GALNT13: variants seen among roughly 807,000 people sequenced by gnomAD.
GALNT13 encodes UDP-GalNAc:polypeptide N-acetylgalactosaminyltransferase 13.
Under a neutral mutation model 64.2 loss-of-function variants are expected in GALNT13, and 28 were observed. That is an observed-to-expected ratio of 0.44 (90% CI 0.32 to 0.60). The LOEUF (loss-of-function observed/expected upper bound fraction) is 0.60, where lower values mean the gene tolerates loss of function less well. Among genes scored for constraint, GALNT13 ranks in the 20% least tolerant of loss-of-function variants. The probability of loss-of-function intolerance (pLI) is 0.05; values close to 1 mark genes in which losing one functional copy is unlikely to be tolerated. For missense variants in GALNT13, 577 were observed against 669.8 expected, an observed-to-expected ratio of 0.86 and a Z score of 1.53; for synonymous variants, 214 against 224.6, an observed-to-expected ratio of 0.95 and a Z score of 0.42.
At chr2:153,845,879 A>C in the GALNT13 span, among the ~76,000 whole-genome samples, 1 of 152,190 alleles carries the variant, frequency 6.6e-6, no homozygotes, top group African/African-American at 2.4e-5. Flanking sequence ...TTATTTTCAA[A>C]AAAAGAATAA....
the GALNT13 span, among the ~76,000 whole-genome samples, chr2:153,424,030 G>T: frequency 1.3e-5 from 2 of 150,402 alleles, no homozygotes; most frequent in Admixed American, 6.6e-5. Context: ...AAATTTAACT[G>T]AAAAAAAGTA....
chr2:153,090,730 A>G, the GALNT13 span, among the ~76,000 whole-genome samples: 1 of 152,072 alleles, frequency 6.6e-6, no homozygotes, highest in Admixed American at 6.5e-5. Flanking sequence ...GTAGAGAAAT[A>G]CCATCAAGTG....
At chr2:153,086,568 C>G in the GALNT13 span, among the ~76,000 whole-genome samples, 1 of 152,138 alleles carries the variant, frequency 6.6e-6, no homozygotes, top group Non-Finnish European at 1.5e-5. Flanking sequence ...TCATTTGCCT[C>G]AGCCATGATT....
the GALNT13 span, among the ~76,000 whole-genome samples, chr2:153,819,827 A>G: frequency 6.6e-6 from 1 of 152,214 alleles, no homozygotes; most frequent in African/African-American, 2.4e-5. Flanking sequence ...AGAAACCAGT[A>G]TAAGAATTAT....
the GALNT13 span, among the ~76,000 whole-genome samples, chr2:153,269,396 C>T: frequency 6.6e-6 from 1 of 152,136 alleles, no homozygotes; most frequent in Non-Finnish European, 1.5e-5. Context: ...CATGAGTGAC[C>T]TTTACTCCAG....
the GALNT13 span, among the ~76,000 whole-genome samples, chr2:153,126,339 T>C: frequency 4.1e-5 from 3 of 73,550 alleles, no homozygotes; most frequent in African/African-American, 8.9e-5. Context: ...TATATATATA[T>C]ATATATATGA....
intron 2 of GALNT13, among the ~76,000 whole-genome samples, chr2:153,924,760 G>A (rs1201451955): frequency 6.6e-6 from 1 of 152,022 alleles, no homozygotes; most frequent in Admixed American, 6.6e-5. Flanking sequence ...ATTCTTATTG[G>A]TGTGAGATGA....
intron 12 of GALNT13, among the ~76,000 whole-genome samples, chr2:154,443,646 A>G (rs575136456): frequency 3.9e-5 from 6 of 152,142 alleles, no homozygotes; most frequent in African/African-American, 1.4e-4. Flanking sequence ...GTATGGCCTA[A>G]TTTTACAATA....
chr2:153,395,895 T>C, the GALNT13 span, among the ~76,000 whole-genome samples: 2 of 152,146 alleles, frequency 1.3e-5, no homozygotes, highest in African/African-American at 2.4e-5. Context: ...CACAAACTAT[T>C]GCAATTGACC....
intron 9 of GALNT13, among the ~76,000 whole-genome samples, chr2:154,337,398 A>AT (rs1184618244): frequency 1.5e-4 from 23 of 152,214 alleles, no homozygotes; most frequent in Admixed American, 3.3e-4. Context: ...CAAATATTTT[A>AT]TTTTTTAAAA....
At chr2:153,317,001 C>T in the GALNT13 span, among the ~76,000 whole-genome samples, 3 of 152,116 alleles carry the variant, frequency 2.0e-5, no homozygotes. Flanking sequence ...AAAGAGAAAT[C>T]CTTCTTGGAA....
At chr2:153,399,289 GT>G in the GALNT13 span, among the ~76,000 whole-genome samples, 6 of 152,124 alleles carry the variant, frequency 3.9e-5, no homozygotes, top group South Asian at 1.2e-3. Context: ...CTATATCTCT[GT>G]TTTGGTGGCA....
At chr2:154,339,099 T>C (rs546279578) in intron 9 of GALNT13, among the ~76,000 whole-genome samples, 67 of 152,262 alleles carry the variant, frequency 4.4e-4, no homozygotes, top group Non-Finnish European at 6.9e-4. Flanking sequence ...TACTACATAT[T>C]AGGCATTCAA....
At chr2:153,698,001 C>G in the GALNT13 span, among the ~76,000 whole-genome samples, 7 of 152,254 alleles carry the variant, frequency 4.6e-5, no homozygotes, top group East Asian at 1.2e-3. Flanking sequence ...AACTAAACTT[C>G]ATAAGTGAAG....
chr2:154,334,827 G>A (rs889879440), intron 9 of GALNT13, among the ~76,000 whole-genome samples: 4 of 151,942 alleles, frequency 2.6e-5, no homozygotes, highest in Non-Finnish European at 5.9e-5. Context: ...TTTTCCACCT[G>A]TTTCCTTAAT....
At chr2:153,803,099 G>T in the GALNT13 span, among the ~76,000 whole-genome samples, 1 of 152,102 alleles carries the variant, frequency 6.6e-6, no homozygotes, top group Non-Finnish European at 1.5e-5. Flanking sequence ...CTATTTTAAT[G>T]CCTGTAATTT....
chr2:154,021,665 T>C (rs367991032), intron 3 of GALNT13, among the ~76,000 whole-genome samples: 138 of 151,832 alleles, frequency 9.1e-4, no homozygotes, highest in African/African-American at 3.0e-3. Context: ...AATTTGACTT[T>C]CTCTTTTCCT....
At chr2:153,446,939 A>C in the GALNT13 span, 1 of 152,218 alleles carries the variant, frequency 6.6e-6, no homozygotes, top group East Asian at 1.9e-4. Context: ...AGAAAATATC[A>C]GAGTTTATTA....
At chr2:154,245,305 G>A (rs1201735398) in intron 6 of GALNT13, among the ~76,000 whole-genome samples, 1 of 151,966 alleles carries the variant, frequency 6.6e-6, no homozygotes. Context: ...TATGATTTTT[G>A]TTGTTGCTGT....
Sources: gnomAD v4.1 joint callset for allele counts (sites outside exome capture counted in the v4.1 genomes callset) on GRCh38, gnomAD v4.1.1 for gene constraint, MANE v1.5 for transcripts, NCBI Gene and HGNC (gene_info 2026-07-23, HGNC 2026-07-21) for gene names.